ZNF599: variants seen among roughly 807,000 people sequenced by gnomAD.
ZNF599 encodes zinc finger protein 599.
In ZNF599, 10 loss-of-function variants were observed where a neutral mutation model predicts 11.7. The observed-to-expected ratio is 0.86, with a 90% CI of 0.53 to 1.45. The LOEUF is 1.45. ZNF599 is among the 40% of genes most tolerant of loss of function. The pLI, the probability that ZNF599 is intolerant of heterozygous loss-of-function variation, is 0.00. For missense variants in ZNF599, 688 were observed against 713.6 expected (o/e 0.96, Z 0.41); for synonymous variants, 232 against 253.2 (o/e 0.92, Z 0.79).
At chr19:34,788,071 G>A in the ZNF599 span, among the ~76,000 whole-genome samples, 1 of 152,098 alleles carries the variant, frequency 6.6e-6, no homozygotes, top group South Asian at 2.1e-4. Context: ...ACATTGTATT[G>A]GGTATTGTAA....
At chr19:34,806,700 G>A in the ZNF599 span, among the ~76,000 whole-genome samples, 105 of 152,262 alleles carry the variant, frequency 6.9e-4, 1 homozygote, top group East Asian at 0.019. Flanking sequence ...TCCAGATCAT[G>A]CTAACACCAT....
intron 1 of ZNF599, among the ~76,000 whole-genome samples, chr19:34,771,603 A>G (rs1205594556): frequency 6.6e-6 from 1 of 152,134 alleles, no homozygotes; most frequent in Non-Finnish European, 1.5e-5. Context: ...AAATCGTCCA[A>G]TGAGCTTGGC....
chr19:34,773,619 T>G (rs2069200873), upstream of ZNF599, among the ~76,000 whole-genome samples: 1 of 152,192 alleles, frequency 6.6e-6, no homozygotes, highest in South Asian at 2.1e-4. Flanking sequence ...CCCCTATCAG[T>G]AATTTTCAGA....
the ZNF599 span, among the ~76,000 whole-genome samples, chr19:34,797,535 G>T: frequency 3.3e-4 from 50 of 152,112 alleles, no homozygotes; most frequent in African/African-American, 1.1e-3. Flanking sequence ...ATCTCATTGT[G>T]GTTTTGATTT....
At position 34,760,054 on chromosome 19, in the gene ZNF599, A is replaced by G. The variant is rs1349028833; in HGVS notation, c.747T>C (p.His249=). ...MADVIRHMRL[H]TGEKPYKCIE... is the part of the protein sequence containing the mutation. The stretch of plus-strand genomic sequence containing the variant: ...TACACTTGTATGGTTTTTCCCCAGT[A>G]TGAAGCCTCATATGTCGAATGACAT... Residue 249 remains histidine, a synonymous_variant, in exon 4 of 4, where the codon CAT becomes CAC. Transcript: ENST00000329285. 2 of 1,613,944 alleles carry G rather than the reference A, an allele frequency of 1.2e-6. No homozygotes were observed. Among genetic ancestry groups the G allele is most frequent in the African/African-American group, 1.3e-5 (1 of 74,868 alleles).
intron 1 of ZNF599, chr19:34,772,403 C>A: frequency 3.9e-6 from 4 of 1,012,948 alleles, no homozygotes; most frequent in Non-Finnish European, 4.7e-6. Flanking sequence ...CTGGAATGAT[C>A]CCCTAAAACA....
At chr19:34,762,046 G>A (rs577890007) in intron 3 of ZNF599, among the ~76,000 whole-genome samples, 21 of 152,252 alleles carry the variant, frequency 1.4e-4, no homozygotes, top group African/African-American at 4.3e-4. Context: ...AGACCATGGC[G>A]CCAGGAAGAC....
At chr19:34,765,730 A>G in intron 3 of ZNF599, 2 of 699,008 alleles carry the variant, frequency 2.9e-6, no homozygotes, top group Admixed American at 4.0e-5. Flanking sequence ...AGTAGGTCAG[A>G]TGCTCTGACA....
chr19:34,802,449 G>A, the ZNF599 span, among the ~76,000 whole-genome samples: 1 of 152,146 alleles, frequency 6.6e-6, no homozygotes, highest in South Asian at 2.1e-4. Flanking sequence ...AAAATCCAAT[G>A]GCAAAAGAGT....
chr19:34,800,490 C>T, the ZNF599 span, among the ~76,000 whole-genome samples: 1 of 151,026 alleles, frequency 6.6e-6, no homozygotes, highest in Admixed American at 6.6e-5. Flanking sequence ...TCTTCAAGCT[C>T]ATTGATTCTT....
chr19:34,764,307 T>A (rs1004484561), intron 3 of ZNF599: 1 of 152,178 alleles, frequency 6.6e-6, no homozygotes, highest in South Asian at 2.1e-4. Context: ...CATGGAACAA[T>A]GAAGACTCTC....
the ZNF599 span, among the ~76,000 whole-genome samples, chr19:34,782,552 G>C: frequency 1.3e-5 from 2 of 152,334 alleles, no homozygotes; most frequent in South Asian, 4.1e-4. Flanking sequence ...TGGGGTGGCA[G>C]TTGCTGGGGC....
At chr19:34,777,207 A>AT (rs768015135), upstream of ZNF599, among the ~76,000 whole-genome samples, 106 of 143,374 alleles carry the variant, frequency 7.4e-4, no homozygotes, top group Middle Eastern at 3.5e-3. Context: ...AACATGATCA[A>AT]TTTTTAAAAT....
the ZNF599 span, among the ~76,000 whole-genome samples, chr19:34,800,586 G>GGT: frequency 8.9e-6 from 1 of 112,994 alleles, no homozygotes; most frequent in Admixed American, 1.1e-4. Context: ...CATTTCCTTT[G>GGT]TTTTTTTTTT....
upstream of ZNF599, among the ~76,000 whole-genome samples, chr19:34,775,510 G>A (rs975439278): frequency 2.0e-5 from 3 of 152,192 alleles, no homozygotes; most frequent in African/African-American, 7.2e-5. Flanking sequence ...TGGGACAGCC[G>A]ATTGATATCT....
the ZNF599 span, among the ~76,000 whole-genome samples, chr19:34,784,756 C>A: frequency 6.6e-6 from 1 of 151,696 alleles, no homozygotes; most frequent in Non-Finnish European, 1.5e-5. Flanking sequence ...GAATCGATAC[C>A]CCCTTGGAAA....
intron 3 of ZNF599, chr19:34,763,585 C>A (rs1172068035): frequency 6.6e-6 from 1 of 152,272 alleles, no homozygotes; most frequent in African/African-American, 2.4e-5. Flanking sequence ...CAGAACCCAA[C>A]AATGCTGGTA....
chr19:34,799,283 G>A, the ZNF599 span, among the ~76,000 whole-genome samples: 28 of 152,240 alleles, frequency 1.8e-4, no homozygotes, highest in Non-Finnish European at 1.3e-4. Context: ...GTTTACTGGC[G>A]TGAACCACCA....
In ZNF599 at chr19:34,759,068, A is replaced by G. The variant is rs760874177; in HGVS notation, c.1733T>C (p.Phe578Ser). The G allele has an allele frequency of 1.2e-6, 2 of 1,612,936 alleles. No individual in the cohort carries two copies. Among genetic ancestry groups the G allele is most frequent in the South Asian group, 2.2e-5 (2 of 91,008 alleles). Residue 578 changes from phenylalanine (F) to serine (S), a missense_variant, in exon 4 of 4, where the codon TTC (phenylalanine) becomes TCC (serine). Coordinates refer to ENST00000329285, the MANE Select transcript of ZNF599 (RefSeq NM_001007248.3). ...GGTATGAATCTTTCGATGGTGAGTG[A>G]ACGATGAACTGTGGCTGAAGGTCTT... is the stretch of plus-strand genomic sequence containing the variant. ...CGKTFSHSSSFTHHRKIHTRV is the reference protein window; with the variant it reads ...CGKTFSHSSSSTHHRKIHTRV
Sources: allele counts gnomAD v4.1 joint callset (sites outside exome capture counted in the v4.1 genomes callset), GRCh38; gene constraint gnomAD v4.1.1; transcripts MANE v1.5; gene names NCBI Gene and HGNC (gene_info 2026-07-23, HGNC 2026-07-21).